MYO1D: variants seen among roughly 807,000 people sequenced by gnomAD.
MYO1D encodes the protein unconventional myosin-Id.
MYO1D carries 83 observed loss-of-function variants against 122.0 expected under a neutral mutation model. The ratio of observed to expected loss-of-function variants is 0.68; its 90% CI spans 0.57 to 0.82. The LOEUF is 0.82. Among genes scored for constraint, MYO1D ranks in the 40% least tolerant of loss-of-function variants. MYO1D has a pLI of 0.00. For synonymous variants in MYO1D, 464 were observed against 446.9 expected (o/e 1.04, Z -0.48); for missense variants, 1,157 against 1,269.5 (o/e 0.91, Z 1.35).
chr17:32,524,452 G>A (rs1411356907), intron 21 of MYO1D, among the ~76,000 whole-genome samples: 1 of 152,102 alleles, frequency 6.6e-6, no homozygotes, highest in East Asian at 1.9e-4. Flanking sequence ...GAGTGCGGTG[G>A]CACCATCATA....
chr17:32,569,537 A>C (rs2087203842), intron 21 of MYO1D, among the ~76,000 whole-genome samples: 1 of 152,200 alleles, frequency 6.6e-6, no homozygotes, highest in Non-Finnish European at 1.5e-5. Flanking sequence ...GGGAAGTGAA[A>C]GGAAGTGCCC....
At chr17:32,671,487 C>T (rs1324251800) in intron 16 of MYO1D, among the ~76,000 whole-genome samples, 1 of 152,184 alleles carries the variant, frequency 6.6e-6, no homozygotes, top group Non-Finnish European at 1.5e-5. Flanking sequence ...ATTATTCTTG[C>T]AACTTTTCTG....
chr17:32,725,083 C>G (rs934936078), intron 14 of MYO1D, among the ~76,000 whole-genome samples: 3 of 152,052 alleles, frequency 2.0e-5, no homozygotes, highest in African/African-American at 7.2e-5. Context: ...TTACCATGTT[C>G]AAGGTGACAA....
At chr17:32,870,133 GGGTGATTCACTCCAAATGGCA>G (rs2091166285) in intron 1 of MYO1D, among the ~76,000 whole-genome samples, 1 of 152,136 alleles carries the variant, frequency 6.6e-6, no homozygotes, top group Non-Finnish European at 1.5e-5. Context: ...CCAGGCGGCA[GGGTGATTCACTCCAAATGGCA>G]GCTCCAAAAC....
chr17:32,734,729 T>C (rs1461462193), intron 14 of MYO1D: 1 of 152,162 alleles, frequency 6.6e-6, no homozygotes, highest in Non-Finnish European at 1.5e-5. Context: ...ATTTTTATTT[T>C]ACTTGCTTTG....
chr17:32,529,759 G>A (rs1442575850), intron 21 of MYO1D: 1 of 152,292 alleles, frequency 6.6e-6, no homozygotes, highest in Non-Finnish European at 1.5e-5. Context: ...AGATTTCCCG[G>A]ATGAGACATG....
chr17:32,777,301 GTAGTGAAGT>G (rs1567637389), intron 3 of MYO1D, among the ~76,000 whole-genome samples: 1 of 152,162 alleles, frequency 6.6e-6, no homozygotes, highest in Admixed American at 6.5e-5. Flanking sequence ...GCTACGCAGG[GTAGTGAAGT>G]GTAAGTTCTC....
At chr17:32,669,607 G>C (rs569660294) in intron 16 of MYO1D, among the ~76,000 whole-genome samples, 1 of 152,132 alleles carries the variant, frequency 6.6e-6, no homozygotes, top group African/African-American at 2.4e-5. Context: ...TAAATTTGCA[G>C]GCCCCAGGCA....
rs1360309165 is a variant in MYO1D at position 32,855,544 on chromosome 17, T to C, written c.95+21234A>G. On this transcript the variant is annotated intron_variant, in intron 1 of 21. Transcript: ENST00000318217. ...TGTTGTCATCTAGCATTCTATTGTA[T>C]GAATACAATTTATTTTTCCATCCCA... 6.6e-5 allele frequency among the ~76,000 whole-genome samples: 10 copies of C among 152,244 alleles called. No individual in the cohort carries two copies. The South Asian group carries it at 1.2e-3, about 19-fold the overall frequency.
chr17:32,818,312 G>T (rs1289044746), intron 1 of MYO1D, among the ~76,000 whole-genome samples: 2 of 152,040 alleles, frequency 1.3e-5, no homozygotes, highest in East Asian at 1.9e-4. Context: ...TGCCCCTGCA[G>T]TCTCTGACCA....
intron 8 of MYO1D, among the ~76,000 whole-genome samples, chr17:32,763,464 C>A (rs545678486): frequency 9.9e-5 from 15 of 152,200 alleles, no homozygotes; most frequent in African/African-American, 3.4e-4. Flanking sequence ...AAAAAGATAA[C>A]AGCTCCAAAG....
chr17:32,597,868 C>CAAAAAAAAA (rs755415435), intron 21 of MYO1D, among the ~76,000 whole-genome samples: 2 of 62,712 alleles, frequency 3.2e-5, no homozygotes, highest in Non-Finnish European at 6.1e-5. Context: ...AACCCTGTCT[C>CAAAAAAAAA]AAAAAAAAAA....
chr17:32,581,213 C>T (rs1306315614), intron 21 of MYO1D, among the ~76,000 whole-genome samples: 3 of 152,264 alleles, frequency 2.0e-5, no homozygotes, highest in Non-Finnish European at 4.4e-5. Flanking sequence ...TCTAAGCTGT[C>T]AAATTTACTG....
chr17:32,750,330 G>A (rs1239210013), intron 11 of MYO1D, among the ~76,000 whole-genome samples: 7 of 152,110 alleles, frequency 4.6e-5, no homozygotes, highest in Non-Finnish European at 2.9e-5. Context: ...TTTCCCTGGG[G>A]AGGCCAGGCG....
chr17:32,554,422 T>C (rs2087050071), intron 21 of MYO1D, among the ~76,000 whole-genome samples: 1 of 152,364 alleles, frequency 6.6e-6, no homozygotes, highest in Non-Finnish European at 1.5e-5. Context: ...TCTTCAGTTA[T>C]CTTTGAAATA....
intron 16 of MYO1D, among the ~76,000 whole-genome samples, chr17:32,659,878 C>T (rs1234493925): frequency 1.3e-5 from 2 of 152,164 alleles, no homozygotes; most frequent in East Asian, 1.9e-4. Flanking sequence ...AATCAGATTA[C>T]GTACTAATAT....
chr17:32,785,652 C>T (rs1484948885), intron 1 of MYO1D, among the ~76,000 whole-genome samples: 1 of 152,176 alleles, frequency 6.6e-6, no homozygotes, highest in African/African-American at 2.4e-5. Flanking sequence ...GCTCATCTTA[C>T]TTAATTTCTC....
At chr17:32,583,926 T>C (rs1252491400) in intron 21 of MYO1D, among the ~76,000 whole-genome samples, 1 of 152,108 alleles carries the variant, frequency 6.6e-6, no homozygotes, top group African/African-American at 2.4e-5. Flanking sequence ...TTTTGATATC[T>C]TGCACATCTT....
At chr17:32,711,275 G>A (rs754248675) in intron 16 of MYO1D, among the ~76,000 whole-genome samples, 5 of 152,200 alleles carry the variant, frequency 3.3e-5, no homozygotes, top group Non-Finnish European at 7.3e-5. Flanking sequence ...CTGAGGTCAA[G>A]TGGTGGTGAG....
Sources: allele counts gnomAD v4.1 joint callset (sites outside exome capture counted in the v4.1 genomes callset), GRCh38; gene constraint gnomAD v4.1.1; transcripts MANE v1.5; gene names NCBI Gene and HGNC (gene_info 2026-07-23, HGNC 2026-07-21).